The following PDE8A variants were observed in gnomAD, a reference collection of about 807,000 sequenced individuals.
The protein encoded by PDE8A is high affinity cAMP-specific and IBMX-insensitive 3',5'-cyclic phosphodiesterase 8A.
A neutral mutation model predicts 105.0 loss-of-function variants in PDE8A; 59 were observed. The ratio of observed to expected loss-of-function variants is 0.56; its 90% CI spans 0.46 to 0.70. The LOEUF (loss-of-function observed/expected upper bound fraction) is 0.70, where lower values mean the gene tolerates loss of function less well. Among genes scored for constraint, PDE8A ranks in the 30% least tolerant of loss-of-function variants. The probability of loss-of-function intolerance (pLI) is 0.00; values close to 1 mark genes in which losing one functional copy is unlikely to be tolerated. For missense variants in PDE8A, 1,014 were observed against 1,045.9 expected (o/e 0.97, Z 0.42); for synonymous variants, 355 against 371.9 (o/e 0.95, Z 0.52).
rs2081243574 is a variant in PDE8A, at chr15:85,067,224, C to G, written c.434+20C>G. On this transcript the variant is annotated intron_variant, in intron 3 of 21. Coordinates refer to ENST00000394553, the MANE Select transcript of PDE8A (RefSeq NM_002605.3). ...GTGCAGGTAAGCCCAAGACTCGGGC[C>G]TAAATAGTCCCATTGGCCTTTCTGA... 1.3e-6 allele frequency: 2 copies of G among 1,572,414 alleles called. No homozygotes were observed. Among genetic ancestry groups the G allele is most frequent in the Admixed American group, 1.8e-5 (1 of 54,624 alleles).
intron 7 of PDE8A, among the ~76,000 whole-genome samples, chr15:85,089,628 A>G (rs923178770): frequency 2.1e-4 from 32 of 152,178 alleles, no homozygotes; most frequent in Admixed American, 6.5e-4. Flanking sequence ...GGTGCTAGAA[A>G]ATGCCTGTAG....
chr15:85,122,714 C>T (rs921826471), intron 18 of PDE8A, among the ~76,000 whole-genome samples: 14 of 152,310 alleles, frequency 9.2e-5, no homozygotes, highest in African/African-American at 2.2e-4. Flanking sequence ...TTCAGAAGAT[C>T]GGTCCTCACA....
intron 1 of PDE8A, 49 bp from the exon 2 acceptor site, chr15:85,064,318 GCTT>G: frequency 1.5e-6 from 2 of 1,360,026 alleles, no homozygotes; most frequent in South Asian, 2.5e-5. Flanking sequence ...AAAAAGTTAA[GCTT>G]CTCTTTCTCC....
In PDE8A at chr15:85,114,036, C is replaced by A. The variant is rs1418839690; in HGVS notation, c.1349C>A (p.Ser450Tyr). 1 of 1,612,452 alleles carries A rather than the reference C, an allele frequency of 6.2e-7. No homozygotes were observed. The highest frequency in any genetic ancestry group is 1.1e-5 in the South Asian group (1 of 90,978). ...HANDLVGGLM[S>Y]DGLRRLSGNE... ...AATGACCTTGTTGGGGGCTTAATGT[C>A]TGTAAGTATATTTGACTAGACTCTT... The change falls in exon 14 of 22, where the codon TCT becomes TAT. Residue 450 changes from serine to tyrosine, a missense_variant and splice_region_variant. Ser to Tyr is a moderately radical substitution (Grantham distance 144, BLOSUM62 -2). Transcript: ENST00000394553.
chr15:85,019,943 G>GTTTTTTT (rs201634002), intron 1 of PDE8A, among the ~76,000 whole-genome samples: 15 of 64,770 alleles, frequency 2.3e-4, no homozygotes, highest in Admixed American at 2.4e-4. Context: ...TTTTTTTTTG[G>GTTTTTTT]TTTTTTTTTT....
chr15:85,085,209 T>C (rs1284585491), intron 6 of PDE8A, among the ~76,000 whole-genome samples: 2 of 152,218 alleles, frequency 1.3e-5, no homozygotes, highest in Non-Finnish European at 2.9e-5. Flanking sequence ...CATCATGCCC[T>C]GCTTTGTTCT....
chr15:85,067,774 C>T (rs2081252131), intron 3 of PDE8A, among the ~76,000 whole-genome samples: 1 of 152,114 alleles, frequency 6.6e-6, no homozygotes, highest in Admixed American at 6.6e-5. Context: ...AGATTAAAAA[C>T]CCATGGGTTA....
intron 20 of PDE8A, among the ~76,000 whole-genome samples, chr15:85,129,327 T>C (rs755473831): frequency 9.2e-5 from 14 of 152,322 alleles, no homozygotes; most frequent in Non-Finnish European, 1.6e-4. Flanking sequence ...GGATTGATAT[T>C]AATTCTTCTC....
intron 6 of PDE8A, 38 bp from the exon 7 acceptor site, chr15:85,089,297 GTAT>G: frequency 9.9e-7 from 1 of 1,012,562 alleles, no homozygotes; most frequent in South Asian, 1.4e-5. Context: ...TTATTTTGTA[GTAT>G]TTACATTAAT....
intron 6 of PDE8A, among the ~76,000 whole-genome samples, chr15:85,087,867 T>A (rs2081580049): frequency 6.6e-6 from 1 of 152,222 alleles, no homozygotes; most frequent in African/African-American, 2.4e-5. Context: ...AGAACATTTT[T>A]CAATGCTTAT....
intron 6 of PDE8A, among the ~76,000 whole-genome samples, chr15:85,087,437 C>T (rs1304807962): frequency 3.3e-5 from 5 of 152,096 alleles, no homozygotes; most frequent in Admixed American, 2.0e-4. Flanking sequence ...TGGACTCAAG[C>T]GATCTGCCTA....
At chr15:85,063,549 C>A (rs1244097544) in intron 1 of PDE8A, 1 of 152,174 alleles carries the variant, frequency 6.6e-6, no homozygotes, top group Non-Finnish European at 1.5e-5. Flanking sequence ...TTCTGGTGGT[C>A]CTGAGTTTAC....
At chr15:85,081,142 G>T (rs1183670701) in intron 5 of PDE8A, among the ~76,000 whole-genome samples, 1 of 152,222 alleles carries the variant, frequency 6.6e-6, no homozygotes, top group Non-Finnish European at 1.5e-5. Context: ...TGGTGCCAAG[G>T]CTTGAATCTG....
chr15:85,093,366 G>T (rs935809036), intron 8 of PDE8A, among the ~76,000 whole-genome samples: 3 of 152,218 alleles, frequency 2.0e-5, no homozygotes, highest in African/African-American at 4.8e-5. Context: ...TGAGGTGAAA[G>T]AATCCATAAT....
At chr15:85,002,160 C>A (rs1190873659) in intron 1 of PDE8A, among the ~76,000 whole-genome samples, 3 of 151,594 alleles carry the variant, frequency 2.0e-5, no homozygotes, top group Non-Finnish European at 4.4e-5. Flanking sequence ...TTAGTGTAGA[C>A]CCCCCAGGTT....
intron 1 of PDE8A, among the ~76,000 whole-genome samples, chr15:85,046,272 C>T (rs895501865): frequency 2.6e-5 from 4 of 152,054 alleles, no homozygotes; most frequent in Non-Finnish European, 5.9e-5. Context: ...TGGTCTTGAG[C>T]TCCTGACCTC....
At chr15:85,093,421 A>C (rs1156255882) in intron 8 of PDE8A, among the ~76,000 whole-genome samples, 2 of 152,184 alleles carry the variant, frequency 1.3e-5, no homozygotes, top group African/African-American at 2.4e-5. Context: ...AGCAGGCCTT[A>C]TGGAACAGTG....
intron 16 of PDE8A, among the ~76,000 whole-genome samples, 194 bp from the exon 17 acceptor site, chr15:85,117,447 A>G (rs1414415832): frequency 6.6e-6 from 1 of 152,190 alleles, no homozygotes; most frequent in East Asian, 1.9e-4. Context: ...TCACCCGTGC[A>G]TCATGGTCCC....
At chr15:85,042,743 C>T (rs2080829736) in intron 1 of PDE8A, among the ~76,000 whole-genome samples, 1 of 152,164 alleles carries the variant, frequency 6.6e-6, no homozygotes, top group Admixed American at 6.5e-5. Context: ...CATTATGGAG[C>T]ACTTAACTGT....
Sources: gnomAD v4.1 joint callset for allele counts (sites outside exome capture counted in the v4.1 genomes callset) on GRCh38, gnomAD v4.1.1 for gene constraint, MANE v1.5 for transcripts, NCBI Gene and HGNC (gene_info 2026-07-23, HGNC 2026-07-21) for gene names.